Variants in SOD2 observed in about 807,000 individuals in gnomAD.
SOD2 encodes the protein superoxide dismutase 2.
Under a neutral mutation model 27.0 loss-of-function variants are expected in SOD2, and 11 were observed. The ratio of observed to expected loss-of-function variants is 0.41; its 90% confidence interval spans 0.26 to 0.67. SOD2 has a LOEUF of 0.67. Ranked by LOEUF, SOD2 falls within the 30% of genes least tolerant of loss-of-function variation. The probability of loss-of-function intolerance (pLI) is 0.34; values close to 1 mark genes in which losing one functional copy is unlikely to be tolerated. For synonymous variants in SOD2, 105 were observed against 103.0 expected (o/e 1.02, Z -0.12); for missense variants, 250 against 274.5 (o/e 0.91, Z 0.63).
Position 159,678,670 on chromosome 6 carries a change from TAAATC to T in SOD2, c.*3818_*3822del, listed in dbSNP as rs1334261819. Reference sequence around the variant, plus strand: ...GTGTTCTGGGAGCTGCTCTAGCAAATAAATCAAAACCAAGGAAAGGGTCACGGGAA... The same window carrying T: ...GTGTTCTGGGAGCTGCTCTAGCAAATAAAACCAAGGAAAGGGTCACGGGAA... On this transcript the variant is annotated 3_prime_UTR_variant, in exon 5 of 5. Transcript: ENST00000538183. The T allele has an allele frequency of 6.6e-6, 1 of 152,178 alleles. No homozygotes were observed. Among genetic ancestry groups the T allele is most frequent in the Non-Finnish European group, 1.5e-5 (1 of 68,020 alleles). 9.4% of individuals were successfully genotyped at this position (152,178 alleles called of 1,614,324 possible). A position where few individuals can be genotyped will look rare whatever the true frequency, so the allele number is the denominator to read the frequency against.
At chr6:159,727,625 G>A (rs1778272985), upstream of SOD2, 1 of 985,976 alleles carries the variant, frequency 1.0e-6, no homozygotes, top group African/African-American at 1.7e-5. Context: ...CGGTGGCCCG[G>A]GGGGCCCGGG....
chr6:159,712,981 A>C (rs1330191473), intron 1 of SOD2: 1 of 625,124 alleles, frequency 1.6e-6, no homozygotes, highest in African/African-American at 1.9e-5. Flanking sequence ...CTGCCACTGC[A>C]TCTTCGTGAG....
At chr6:159,736,150 A>G in intron 1 of SOD2, 1 of 1,065,142 alleles carries the variant, frequency 9.4e-7, no homozygotes, top group Non-Finnish European at 1.4e-6. Context: ...ATTATTCAAC[A>G]GTAATTTAGT....
chr6:159,757,145 T>C (rs1164144109), intron 1 of SOD2, among the ~76,000 whole-genome samples: 1 of 152,230 alleles, frequency 6.6e-6, no homozygotes, highest in Non-Finnish European at 1.5e-5. Flanking sequence ...AGTATAAAAG[T>C]ATGATATTGA....
chr6:159,685,809 G>A (rs1780162715), intron 3 of SOD2, among the ~76,000 whole-genome samples: 1 of 152,020 alleles, frequency 6.6e-6, no homozygotes, highest in Non-Finnish European at 1.5e-5. Context: ...GGGTTAATTC[G>A]CTTAGGATAA....
chr6:159,710,228 C>A (rs1179246393), intron 1 of SOD2, among the ~76,000 whole-genome samples: 1 of 150,456 alleles, frequency 6.6e-6, no homozygotes, highest in Admixed American at 6.7e-5. Context: ...CAAACCTGCA[C>A]GTTCGTTGTG....
intron 3 of SOD2, among the ~76,000 whole-genome samples, chr6:159,685,421 T>C (rs1456184128): frequency 2.0e-5 from 3 of 152,128 alleles, no homozygotes; most frequent in Non-Finnish European, 4.4e-5. Context: ...TTTGTGTTTT[T>C]AGTAGAGACA....
Position 159,693,235 on chromosome 6 carries a change from C to A in SOD2, c.-68G>T. On this transcript the variant is annotated 5_prime_UTR_variant, in exon 1 of 5. Transcript: ENST00000538183. ...AAGCCGCTGCCGAAGCCACCACAGC[C>A]ACGAGTGCCGCTCCTGCGCCGCCCG... The A allele has an allele frequency of 7.0e-7, 1 of 1,431,238 alleles. No individual in the cohort carries two copies. Among genetic ancestry groups the A allele is most frequent in the South Asian group, 1.3e-5 (1 of 78,674 alleles). 88.7% of individuals were successfully genotyped at this position (1,431,238 alleles called of 1,614,324 possible).
At chr6:159,748,542 T>C, upstream of SOD2, 1 of 1,370,658 alleles carries the variant, frequency 7.3e-7, no homozygotes, top group East Asian at 2.7e-5. The surrounding 1 kb of genome is among the most constrained non-coding windows in gnomAD (Gnocchi z 5.6). Flanking sequence ...ACTTACCAGA[T>C]GAACCTTGTG....
intron 1 of SOD2, among the ~76,000 whole-genome samples, chr6:159,721,981 A>ATATTT (rs1252332579): frequency 6.6e-6 from 1 of 151,948 alleles, no homozygotes; most frequent in Non-Finnish European, 1.5e-5. Context: ...GTCTAATTCT[A>ATATTT]TATTTTATTT....
upstream of SOD2, chr6:159,727,604 G>A (rs1778270873): frequency 2.0e-6 from 2 of 986,560 alleles, no homozygotes; most frequent in South Asian, 9.1e-5. Flanking sequence ...CGGCAGAGCT[G>A]TCCGGCTGCG....
intron 1 of SOD2, among the ~76,000 whole-genome samples, chr6:159,714,976 G>A (rs1044090361): frequency 3.3e-5 from 5 of 151,878 alleles, no homozygotes; most frequent in Non-Finnish European, 7.4e-5. Context: ...TCAGTCCTTG[G>A]GTCCTGAAGT....
At chr6:159,741,802 ACG>A (rs2114920622) in intron 1 of SOD2, 1 of 254,342 alleles carries the variant, frequency 3.9e-6, no homozygotes, top group Non-Finnish European at 7.6e-6. Context: ...AGCCTGGGCA[ACG>A]TAGTGAGACC....
upstream of SOD2, among the ~76,000 whole-genome samples, chr6:159,749,670 T>C (rs774641783): frequency 2.6e-5 from 4 of 152,190 alleles, no homozygotes; most frequent in Non-Finnish European, 5.9e-5. Context: ...TAGAAAGTAA[T>C]GTGGGACAGC....
intron 1 of SOD2, chr6:159,755,617 T>C (rs367972700): frequency 2.5e-6 from 4 of 1,579,166 alleles, no homozygotes; most frequent in African/African-American, 1.4e-5. Context: ...TGTAATATTT[T>C]TTCAGCAAAT....
chr6:159,693,328 G>GCC (rs1179283966), upstream of SOD2: 103 of 202,750 alleles, frequency 5.1e-4, no homozygotes, highest in African/African-American at 2.5e-3. Context: ...CCGCCGCCCC[G>GCC]CCCCCCCCCC....
At position 159,682,603 on chromosome 6, in the gene SOD2, G is replaced by C; in HGVS notation, c.559C>G (p.His187Asp). The change falls in exon 5 of 5, where the codon CAC becomes GAC. Residue 187 changes from histidine to aspartate, a missense_variant. His to Asp is a moderately conservative substitution (Grantham distance 81, BLOSUM62 -1). Transcript: ENST00000538183. ...IPLLGIDVWE[H>D]AYYLQYKNVR... ...TTTTTATACTGAAGGTAGTAAGCGT[G>C]CTCCCACACATCAATCCCCAGCAGT... 6.2e-7 allele frequency: 1 copy of C among 1,613,736 alleles called. No individual in the cohort carries two copies. The highest frequency in any genetic ancestry group is 1.1e-5 in the South Asian group (1 of 91,020).
intron 1 of SOD2, chr6:159,755,765 CTTTTTTTTTTTTTTTTTTT>C: frequency 5.0e-4 from 86 of 173,382 alleles, no homozygotes; most frequent in Admixed American, 2.9e-3. Flanking sequence ...TTTTTCTTTT[CTTTTTTTTTTTTTTTTTTT>C]TTTTTTGCTT....
Position 159,682,554 on chromosome 6 carries a change from G to A in SOD2, c.608C>T (p.Ala203Val), listed in dbSNP as rs770842978. Residue 203 changes from alanine to valine, a missense_variant, in exon 5 of 5, where the codon GCT becomes GTT. Physicochemically the swap from Ala to Val is moderately conservative, Grantham distance 64. Transcript: ENST00000538183. ...YKNVRPDYLK[A>V]IWNVINWENV... ...CTCCCAGTTGATTACATTCCAAATAGCTTTTAGATAATCAGGCCTGACATT... is the reference window on the plus strand; with the variant it reads ...CTCCCAGTTGATTACATTCCAAATAACTTTTAGATAATCAGGCCTGACATT... 6.2e-7 allele frequency: 1 copy of A among 1,613,998 alleles called. No individual in the cohort carries two copies. Among genetic ancestry groups the A allele is most frequent in the South Asian group, 1.1e-5 (1 of 91,070 alleles).
Sources: gnomAD v4.1 joint callset for allele counts (sites outside exome capture counted in the v4.1 genomes callset) on GRCh38, gnomAD v4.1.1 for gene constraint, Gnocchi (gnomAD v3.1) non-coding constraint, MANE v1.5 for transcripts, NCBI Gene and HGNC (gene_info 2026-07-23, HGNC 2026-07-21) for gene names.